Variants in TBC1D22A observed in about 807,000 individuals in gnomAD.
TBC1D22A encodes the protein TBC1 domain family member 22A.
Under a neutral mutation model 60.2 loss-of-function variants are expected in TBC1D22A, and 38 were observed. The ratio of observed to expected loss-of-function variants is 0.63; its 90% CI spans 0.49 to 0.83. The LOEUF (loss-of-function observed/expected upper bound fraction) is 0.83. Among genes scored for constraint, TBC1D22A ranks in the 40% least tolerant of loss-of-function variants. The probability of loss-of-function intolerance (pLI) is 0.00; values close to 1 mark genes in which losing one functional copy is unlikely to be tolerated. For synonymous variants in TBC1D22A, 302 were observed against 281.7 expected (o/e 1.07, Z -0.72); for missense variants, 628 against 701.0 (o/e 0.90, Z 1.18).
intron 11 of TBC1D22A, among the ~76,000 whole-genome samples, chr22:47,071,374 C>G (rs572729530): frequency 6.6e-6 from 1 of 152,336 alleles, no homozygotes; most frequent in East Asian, 1.9e-4. Context: ...GGGAGTGACT[C>G]TTGGCTGCTC....
intron 9 of TBC1D22A, among the ~76,000 whole-genome samples, chr22:46,995,224 C>G (rs1244850481): frequency 6.6e-6 from 1 of 152,210 alleles, no homozygotes; most frequent in African/African-American, 2.4e-5. Context: ...TCCTGCTACA[C>G]AAGGTCACCG....
intron 4 of TBC1D22A, among the ~76,000 whole-genome samples, chr22:46,802,863 G>T (rs192443380): frequency 6.6e-6 from 1 of 151,758 alleles, no homozygotes; most frequent in African/African-American, 2.4e-5. Context: ...GGTGGGGTGG[G>T]CTGCGTGAGT....
At chr22:46,824,061 T>C (rs985092102) in intron 4 of TBC1D22A, among the ~76,000 whole-genome samples, 1 of 152,226 alleles carries the variant, frequency 6.6e-6, no homozygotes. Context: ...TTTATTAATA[T>C]AATATATAAA....
At position 46,871,862 on chromosome 22, in the gene TBC1D22A, A is replaced by G. The variant is rs559979738; in HGVS notation, c.638-6791A>G. Among the ~76,000 whole-genome samples, 6 of 152,336 alleles carry G rather than the reference A, an allele frequency of 3.9e-5. No homozygotes were observed. In the South Asian group the frequency reaches 1.0e-3, roughly 26 times the overall value. On this transcript the variant is annotated intron_variant, in intron 4 of 12. Coordinates refer to ENST00000337137, the MANE Select transcript of TBC1D22A (RefSeq NM_014346.5). Reference sequence around the variant, plus strand: ...ATAAACTGAAAAATGGGTAAACAAGAAAAGAATCACTAAAATATAAAGTTT... The same window carrying G: ...ATAAACTGAAAAATGGGTAAACAAGGAAAGAATCACTAAAATATAAAGTTT...
At chr22:46,954,920 G>A (rs1351609212) in intron 8 of TBC1D22A, among the ~76,000 whole-genome samples, 1 of 152,100 alleles carries the variant, frequency 6.6e-6, no homozygotes, top group East Asian at 1.9e-4. Context: ...GAAGCGAAGG[G>A]GTTATCCTTG....
chr22:47,099,248 C>T lies in TBC1D22A; in HGVS notation c.1330-12260C>T, dbSNP rs141228343. 5.3e-3 allele frequency among the ~76,000 whole-genome samples: 814 copies of T among 152,236 alleles called. 4 individuals carry two copies. The highest frequency in any genetic ancestry group is 8.6e-3 in the Non-Finnish European group (584 of 68,014). On this transcript the variant is annotated intron_variant, in intron 11 of 12. Transcript: ENST00000337137. ...CACAGAGGGAAGGGCCTGGCTGAGG[C>T]GCTGTCTATTCACATTACCAGATAA... is the stretch of plus-strand genomic sequence containing the variant.
chr22:46,872,855 G>A (rs1346396347), intron 4 of TBC1D22A, among the ~76,000 whole-genome samples: 4 of 152,138 alleles, frequency 2.6e-5, no homozygotes, highest in African/African-American at 9.7e-5. Context: ...CTATGAGCTG[G>A]GGAAAGTCAC....
Position 47,098,568 on chromosome 22 carries a change from C to T in TBC1D22A, c.1330-12940C>T, listed in dbSNP as rs139956922. On this transcript the variant is annotated intron_variant, in intron 11 of 12. Coordinates refer to ENST00000337137, the MANE Select transcript of TBC1D22A (RefSeq NM_014346.5). ...GCCAGGCAAGGCATCCCCCCGACTC[C>T]ATGTACCAGGTTGCCCTGGGGAAGG... Among the ~76,000 whole-genome samples, 46 of 152,322 alleles carry T rather than the reference C, an allele frequency of 3.0e-4. 1 individual carries two copies. The East Asian group carries it at 6.4e-3, about 21-fold the overall frequency.
chr22:46,882,015 C>A (rs1047849017), intron 5 of TBC1D22A, among the ~76,000 whole-genome samples: 3 of 152,170 alleles, frequency 2.0e-5, no homozygotes, highest in African/African-American at 7.2e-5. Flanking sequence ...TTACAAGAAC[C>A]TCTGGGACAA....
chr22:47,159,743 C>T (rs1290085177), intron 12 of TBC1D22A, among the ~76,000 whole-genome samples: 1 of 151,082 alleles, frequency 6.6e-6, no homozygotes. Flanking sequence ...CACCATTCAT[C>T]ATGTATACAC....
At chr22:46,876,017 G>A (rs1158812578) in intron 4 of TBC1D22A, among the ~76,000 whole-genome samples, 1 of 152,158 alleles carries the variant, frequency 6.6e-6, no homozygotes, top group African/African-American at 2.4e-5. Flanking sequence ...TTGTCAGGAA[G>A]GCATCTTAGA....
At chr22:46,765,590 C>T (rs1169456417) in intron 1 of TBC1D22A, among the ~76,000 whole-genome samples, 1 of 151,640 alleles carries the variant, frequency 6.6e-6, no homozygotes, top group Non-Finnish European at 1.5e-5. Flanking sequence ...CTCAGCCTCC[C>T]AAGTAGCTGG....
chr22:46,818,734 G>T (rs138311855), intron 4 of TBC1D22A, among the ~76,000 whole-genome samples: 3 of 152,150 alleles, frequency 2.0e-5, no homozygotes, highest in Non-Finnish European at 2.9e-5. Context: ...GTTTGATTCC[G>T]TATGAAATTT....
chr22:47,000,620 C>A (rs1402603955), intron 10 of TBC1D22A, among the ~76,000 whole-genome samples: 2 of 152,104 alleles, frequency 1.3e-5, no homozygotes, highest in Non-Finnish European at 2.9e-5. Flanking sequence ...AGATGGGGAA[C>A]TCCCTGGGAA....
Position 46,861,741 on chromosome 22 carries a change from C to T in TBC1D22A, c.638-16912C>T, listed in dbSNP as rs183722111. On this transcript the variant is annotated intron_variant, in intron 4 of 12. Transcript: ENST00000337137. Reference sequence around the variant, plus strand: ...CAAACTCAGAATTGTGTATCCCGGCCGCACTGGGGCTCTGAGCAGTCGTCT... The same window carrying T: ...CAAACTCAGAATTGTGTATCCCGGCTGCACTGGGGCTCTGAGCAGTCGTCT... 2.0e-4 allele frequency among the ~76,000 whole-genome samples: 30 copies of T among 152,358 alleles called. 1 individual carries two copies. Among genetic ancestry groups the T allele is most frequent in the Non-Finnish European group, 3.5e-4 (24 of 68,030 alleles).
intron 4 of TBC1D22A, among the ~76,000 whole-genome samples, chr22:46,835,233 A>G (rs1010561393): frequency 1.3e-5 from 2 of 152,260 alleles, no homozygotes; most frequent in African/African-American, 4.8e-5. Flanking sequence ...TCAGGGAAAC[A>G]TGACCTGACG....
chr22:46,943,675 C>G (rs1385190046), intron 8 of TBC1D22A, among the ~76,000 whole-genome samples: 1 of 152,228 alleles, frequency 6.6e-6, no homozygotes, highest in Non-Finnish European at 1.5e-5. Flanking sequence ...GACATTTCAT[C>G]TCAAGATGAA....
intron 10 of TBC1D22A, among the ~76,000 whole-genome samples, chr22:47,006,573 C>T (rs532002439): frequency 1.1e-4 from 16 of 152,224 alleles, no homozygotes; most frequent in African/African-American, 1.4e-4. Context: ...GGCCGGATGG[C>T]GGCCACCCAG....
At chr22:47,139,447 T>C (rs2066998503) in intron 12 of TBC1D22A, among the ~76,000 whole-genome samples, 1 of 152,204 alleles carries the variant, frequency 6.6e-6, no homozygotes, top group Non-Finnish European at 1.5e-5. Context: ...GCCCGGGGTC[T>C]GCATTGTCAG....
Sources: gnomAD v4.1 joint callset for allele counts (sites outside exome capture counted in the v4.1 genomes callset) on GRCh38, gnomAD v4.1.1 for gene constraint, MANE v1.5 for transcripts, NCBI Gene and HGNC (gene_info 2026-07-23, HGNC 2026-07-21) for gene names.